KCNT2: variants seen among roughly 807,000 people sequenced by gnomAD.
The protein encoded by KCNT2 is potassium sodium-activated channel subfamily T member 2, also known as potassium channel subfamily T member 2.
Under a neutral mutation model 153.8 loss-of-function variants are expected in KCNT2, and 67 were observed. The observed-to-expected ratio is 0.44, with a 90% CI of 0.36 to 0.53. KCNT2 has a LOEUF of 0.53. KCNT2 is among the 20% of genes least tolerant of loss of function. The probability of loss-of-function intolerance (pLI) is 0.00; values close to 1 mark genes in which losing one functional copy is unlikely to be tolerated. For synonymous variants in KCNT2, 500 were observed against 458.8 expected (o/e 1.09, Z -1.15); for missense variants, 975 against 1,354.8 (o/e 0.72, Z 4.40).
chr1:196,467,330 A>G (rs944795900), intron 7 of KCNT2, among the ~76,000 whole-genome samples: 2 of 152,122 alleles, frequency 1.3e-5, no homozygotes, highest in African/African-American at 2.4e-5. Flanking sequence ...GGCAATATGG[A>G]CATTTTACAA....
At chr1:196,376,878 C>G (rs1348823284) in intron 13 of KCNT2, among the ~76,000 whole-genome samples, 2 of 151,858 alleles carry the variant, frequency 1.3e-5, no homozygotes, top group African/African-American at 4.8e-5. Flanking sequence ...CAAGTGTAAT[C>G]GAAGATGTAG....
chr1:196,229,325 T>C (rs1571722020), intron 27 of KCNT2, among the ~76,000 whole-genome samples: 2 of 152,124 alleles, frequency 1.3e-5, no homozygotes, highest in East Asian at 3.9e-4. Flanking sequence ...ATTTTTGATG[T>C]TCCTATTGTA....
At chr1:196,342,353 C>T (rs753151228) in intron 14 of KCNT2, 125 bp from the exon 15 acceptor site, 49 of 653,444 alleles carry the variant, frequency 7.5e-5, no homozygotes, top group Non-Finnish European at 1.1e-4. Context: ...TCCAAAGGAG[C>T]ATCTGAGTAA....
chr1:196,303,451 C>T (rs1661367982), intron 22 of KCNT2, among the ~76,000 whole-genome samples: 1 of 152,162 alleles, frequency 6.6e-6, no homozygotes, highest in Non-Finnish European at 1.5e-5. Context: ...CATGTCAATA[C>T]AAATGCTCAC....
intron 1 of KCNT2, among the ~76,000 whole-genome samples, chr1:196,570,645 A>C (rs1403124125): frequency 1.3e-5 from 2 of 152,134 alleles, no homozygotes; most frequent in Non-Finnish European, 2.9e-5. Context: ...AGTCTACAGC[A>C]GATTAGGGTG....
At chr1:196,395,855 A>G (rs936901102) in intron 13 of KCNT2, among the ~76,000 whole-genome samples, 2 of 151,746 alleles carry the variant, frequency 1.3e-5, no homozygotes, top group African/African-American at 2.4e-5. Flanking sequence ...ATAAATGGAA[A>G]TGCAAATGCC....
chr1:196,390,910 A>ATTTTT (rs1457017256), intron 13 of KCNT2, among the ~76,000 whole-genome samples: 3 of 91,476 alleles, frequency 3.3e-5, no homozygotes, highest in African/African-American at 1.2e-4. Context: ...TTTTTTTTTA[A>ATTTTT]AAAAAAACAT....
chr1:196,446,754 T>C (rs1273009430), intron 8 of KCNT2, among the ~76,000 whole-genome samples: 4 of 151,560 alleles, frequency 2.6e-5, no homozygotes, highest in African/African-American at 4.8e-5. Flanking sequence ...AAACCAGTAA[T>C]AGTTATTAAG....
chr1:196,590,456 A>C (rs4633231), intron 1 of KCNT2, among the ~76,000 whole-genome samples: 1 of 151,992 alleles, frequency 6.6e-6, no homozygotes, highest in Admixed American at 6.5e-5. Context: ...GGTCACTGCA[A>C]TGGAGGACGG....
intron 7 of KCNT2, among the ~76,000 whole-genome samples, chr1:196,466,233 T>G (rs1677604787): frequency 6.6e-6 from 1 of 152,034 alleles, no homozygotes; most frequent in Non-Finnish European, 1.5e-5. Context: ...ACAAATAAGT[T>G]TATTTTTTTC....
chr1:196,499,392 A>C (rs1680495828), intron 1 of KCNT2, among the ~76,000 whole-genome samples: 2 of 152,360 alleles, frequency 1.3e-5, no homozygotes, highest in South Asian at 4.1e-4. Context: ...TAAACTCCAT[A>C]AGGGCAAGGG....
intron 1 of KCNT2, among the ~76,000 whole-genome samples, chr1:196,499,428 T>A (rs189605025): frequency 6.6e-6 from 1 of 152,246 alleles, no homozygotes; most frequent in Non-Finnish European, 1.5e-5. Context: ...TCCATGCTTA[T>A]ATCATGAGCA....
intron 1 of KCNT2, among the ~76,000 whole-genome samples, chr1:196,588,467 C>T (rs772860582): frequency 2.0e-5 from 3 of 152,008 alleles, no homozygotes; most frequent in Non-Finnish European, 4.4e-5. Context: ...CTTACTAACA[C>T]ATAGCAAAAC....
intron 14 of KCNT2, among the ~76,000 whole-genome samples, chr1:196,371,220 C>CA (rs952744388): frequency 0.082 from 1,810 of 21,972 alleles, 379 homozygotes; most frequent in Middle Eastern, 0.13. Context: ...CCCGTCACTA[C>CA]AAAAAAAAAA....
At chr1:196,420,198 T>C (rs985295410) in intron 12 of KCNT2, among the ~76,000 whole-genome samples, 2 of 152,030 alleles carry the variant, frequency 1.3e-5, no homozygotes, top group Non-Finnish European at 2.9e-5. Flanking sequence ...CTCTTTCAGG[T>C]TCACTGAGTG....
chr1:196,230,148 G>C (rs1653822872), intron 27 of KCNT2, among the ~76,000 whole-genome samples: 1 of 151,986 alleles, frequency 6.6e-6, no homozygotes, highest in Non-Finnish European at 1.5e-5. Flanking sequence ...AGAAGACAAA[G>C]CCTAGTTTCA....
chr1:196,247,470 C>T (rs1408138638), intron 26 of KCNT2, among the ~76,000 whole-genome samples: 1 of 152,126 alleles, frequency 6.6e-6, no homozygotes, highest in Non-Finnish European at 1.5e-5. Flanking sequence ...TTAGTTGGTT[C>T]TCACACTGCT....
chr1:196,492,418 A>T (rs1679928703), intron 1 of KCNT2, 77 bp from the exon 2 acceptor site: 32 of 1,050,100 alleles, frequency 3.0e-5, no homozygotes, highest in Non-Finnish European at 3.7e-5. Context: ...AACAAATATA[A>T]ATTGATCTGT....
intron 1 of KCNT2, among the ~76,000 whole-genome samples, chr1:196,537,888 C>T (rs914273234): frequency 1.2e-4 from 18 of 152,304 alleles, no homozygotes; most frequent in East Asian, 1.9e-4. Context: ...CCCTTCTTTA[C>T]GGTGTGAACC....
Sources: gnomAD v4.1 joint callset for allele counts (sites outside exome capture counted in the v4.1 genomes callset) on GRCh38, gnomAD v4.1.1 for gene constraint, MANE v1.5 for transcripts, NCBI Gene and HGNC (gene_info 2026-07-23, HGNC 2026-07-21) for gene names.